KCNV1: variants seen among roughly 807,000 people sequenced by gnomAD.
KCNV1 encodes the protein potassium voltage-gated channel subfamily V member 1.
KCNV1 carries 2 observed loss-of-function variants against 36.4 expected under a neutral mutation model. That is an observed-to-expected ratio of 0.05 (90% CI 0.02 to 0.17). The LOEUF is 0.17. KCNV1 is among the 10% of genes least tolerant of loss of function. The probability of loss-of-function intolerance (pLI) is 1.00; values close to 1 mark genes in which losing one functional copy is unlikely to be tolerated. For missense variants in KCNV1, 321 were observed against 643.6 expected, an observed-to-expected ratio of 0.50 and a Z score of 5.42; for synonymous variants, 280 against 261.1, an observed-to-expected ratio of 1.07 and a Z score of -0.70.
intron 3 of KCNV1, among the ~76,000 whole-genome samples, chr8:109,969,295 C>A (rs10098219): frequency 6.6e-6 from 1 of 152,062 alleles, no homozygotes; most frequent in Non-Finnish European, 1.5e-5. Context: ...TGAAACCCTA[C>A]TCCTTAATAC....
In KCNV1 at chr8:109,972,668, T is replaced by C; in HGVS notation, c.581A>G (p.Gln194Arg). The change falls in exon 3 of 4, where the codon CAG becomes CGG. Residue 194 changes from glutamine to arginine, a missense_variant. Physicochemically the swap from Gln to Arg is conservative, Grantham distance 43. Around this residue, in one of 5 missense-constraint regions of KCNV1, gnomAD observed 141 missense variants for 225.0 expected, o/e 0.63. Coordinates refer to ENST00000524391, the MANE Select transcript of KCNV1 (RefSeq NM_014379.4). The surrounding 1 kb of genome is among the most constrained non-coding windows in gnomAD (Gnocchi z 5.2). Reference protein sequence around the residue: ...FSQGPCPTVRQKLWNILEKPG... With the variant: ...FSQGPCPTVRRKLWNILEKPG... ...TTTCTCCAGGATATTCCAGAGCTTCTGGCGAACAGTGGGACAAGGTCCTTG... is the reference window on the plus strand; with the variant it reads ...TTTCTCCAGGATATTCCAGAGCTTCCGGCGAACAGTGGGACAAGGTCCTTG... 1 of 1,614,214 alleles carries C rather than the reference T, an allele frequency of 6.2e-7. No individual in the cohort carries two copies. Among genetic ancestry groups the C allele is most frequent in the South Asian group, 1.1e-5 (1 of 91,078 alleles).
chr8:109,972,189 G>A lies in KCNV1; in HGVS notation c.991+69C>T. ...ATATCAGTTCAGCGTTACTTTCCTT[G>A]TACTGTGGTCAAAAAACGAATGCTT... On this transcript the variant is annotated intron_variant, in intron 3 of 3. Coordinates refer to ENST00000524391, the MANE Select transcript of KCNV1 (RefSeq NM_014379.4). This position sits in a 1 kb window ranked among gnomAD's most constrained non-coding sequence, Gnocchi z 5.2. 3.5e-6 allele frequency: 5 copies of A among 1,447,236 alleles called. No individual in the cohort carries two copies. Among genetic ancestry groups the A allele is most frequent in the Non-Finnish European group, 4.7e-6 (5 of 1,069,418 alleles). The allele number at this position is 1,447,236 out of a possible 1,614,324, so 89.6% of individuals were successfully genotyped here.
rs1563835956 is a variant in KCNV1 at position 109,974,164 on chromosome 8, G to A, written c.225C>T (p.Tyr75=). 2 of 1,601,922 alleles carry A rather than the reference G, an allele frequency of 1.2e-6. No individual in the cohort carries two copies. The highest frequency in any genetic ancestry group is 1.7e-6 in the Non-Finnish European group (2 of 1,174,890). The change falls in exon 2 of 4, where the codon TAC becomes TAT. Residue 75 remains tyrosine, a synonymous_variant. Coordinates refer to ENST00000524391, the MANE Select transcript of KCNV1 (RefSeq NM_014379.4). This position sits in a 1 kb window ranked among gnomAD's most constrained non-coding sequence, Gnocchi z 6.2. The stretch of plus-strand genomic sequence containing the variant: ...CGGCGGCCAGGGCCCCGGGGCGGCG[G>A]TAGGAAGCCACCACCACGGCCAGCT... ...LGKLAVVVAS[Y]RRPGALAAVP...
chr8:109,968,405 C>T lies in KCNV1; in HGVS notation c.1186G>A (p.Gly396Arg). 1 of 1,614,176 alleles carries T rather than the reference C, an allele frequency of 6.2e-7. No individual in the cohort carries two copies. Among genetic ancestry groups the T allele is most frequent in the Non-Finnish European group, 8.5e-7 (1 of 1,180,024 alleles). ...ATTSMTTVGY[G>R]DIRPDTTTGK... ...GTGGTGGTGTCTGGTCTAATGTCCC[C>T]ATATCCCACAGTAGTCATAGAGGTG... is the stretch of plus-strand genomic sequence containing the variant. Residue 396 changes from glycine to arginine, a missense_variant, in exon 4 of 4, where the codon GGG becomes AGG. Physicochemically the swap from Gly to Arg is moderately radical, Grantham distance 125. Transcript: ENST00000524391. This position sits in a 1 kb window ranked among gnomAD's most constrained non-coding sequence, Gnocchi z 5.3.
rs114699150 is a variant in KCNV1 at position 109,967,582 on chromosome 8, G to C, written c.*506C>G. 0.013 allele frequency: 2,055 copies of C among 154,066 alleles called. 41 individuals are homozygous for C. The highest frequency in any genetic ancestry group is 0.047 in the African/African-American group (1,941 of 41,566). The allele number at this position is 154,066 out of a possible 1,614,324, so 9.5% of individuals were successfully genotyped here. A position where few individuals can be genotyped will look rare whatever the true frequency, so the allele number is the denominator to read the frequency against. On this transcript the variant is annotated 3_prime_UTR_variant, in exon 4 of 4. Transcript: ENST00000524391. ...GCCCATCAAATATGGGTTTTCTCTT[G>C]TAAAGCTAAGTATTATATTCAATAG...
intron 2 of KCNV1, 146 bp downstream of exon 2, chr8:109,973,779 ACCC>A (rs1820042220): frequency 2.7e-5 from 3 of 113,072 alleles, no homozygotes; most frequent in Non-Finnish European, 5.1e-5. Flanking sequence ...CCCCACCCCC[ACCC>A]CACCTGTCAG....
Position 109,967,645 on chromosome 8 carries a change from G to T in KCNV1, c.*443C>A. 6.2e-6 allele frequency: 1 copy of T among 160,954 alleles called. No homozygotes were observed. The highest frequency in any genetic ancestry group is 1.7e-4 in the South Asian group (1 of 5,868). 10.0% of individuals were successfully genotyped at this position (160,954 alleles called of 1,614,324 possible). The stretch of plus-strand genomic sequence containing the variant: ...GAGAACGGAGTAATTTATGTACTTG[G>T]ATAATATCTTTAAATAGCAAAGTTG... On this transcript the variant is annotated 3_prime_UTR_variant, in exon 4 of 4. Coordinates refer to ENST00000524391, the MANE Select transcript of KCNV1 (RefSeq NM_014379.4).
chr8:109,970,611 G>A (rs1406483748), intron 3 of KCNV1, among the ~76,000 whole-genome samples: 1 of 151,956 alleles, frequency 6.6e-6, no homozygotes, highest in Non-Finnish European at 1.5e-5. Context: ...TAATACATGG[G>A]GAAATAGGTC....
chr8:109,967,932 TG>T lies in KCNV1; in HGVS notation c.*155del. The T allele has an allele frequency of 2.8e-6, 2 of 708,950 alleles. No homozygotes were observed. The highest frequency in any genetic ancestry group is 4.6e-6 in the Non-Finnish European group (2 of 438,408). 43.9% of individuals were successfully genotyped at this position (708,950 alleles called of 1,614,324 possible). A position where few individuals can be genotyped will look rare whatever the true frequency, so the allele number is the denominator to read the frequency against. Reference sequence around the variant, plus strand: ...CACTGTGCAGTTGTTATAGGTGATGTGAAATATTCTAGTAGATGAAGCAATA... The same window carrying T: ...CACTGTGCAGTTGTTATAGGTGATGTAAATATTCTAGTAGATGAAGCAATA... On this transcript the variant is annotated 3_prime_UTR_variant, in exon 4 of 4. Transcript: ENST00000524391.
In KCNV1 at chr8:109,972,709, A is replaced by G. The variant is rs1235658933; in HGVS notation, c.540T>C (p.Ser180=). Residue 180 remains serine (S), a synonymous_variant, in exon 3 of 4, where the codon AGT becomes AGC. Transcript: ENST00000524391. This position sits in a 1 kb window ranked among gnomAD's most constrained non-coding sequence, Gnocchi z 5.2. ...AAGGTCCTTGGGAGAAGTCCTGTTC[A>G]CTCTCATGTTGACTTTCCTGGTCTT... ...DTEDQESQHE[S]EQDFSQGPCP... The G allele has an allele frequency of 6.2e-7, 1 of 1,613,924 alleles. No homozygotes were observed. Among genetic ancestry groups the G allele is most frequent in the East Asian group, 2.2e-5 (1 of 44,898 alleles).
Position 109,968,583 on chromosome 8 carries a change from C to T in KCNV1, c.1008G>A (p.Gly336=). The T allele has an allele frequency of 6.3e-7, 1 of 1,588,190 alleles. No homozygotes were observed. Among genetic ancestry groups the T allele is most frequent in the South Asian group, 1.1e-5 (1 of 89,068 alleles). Residue 336 remains glycine, a synonymous_variant, in exon 4 of 4, where the codon GGG becomes GGA. Coordinates refer to ENST00000524391, the MANE Select transcript of KCNV1 (RefSeq NM_014379.4). The surrounding 1 kb of genome is among the most constrained non-coding windows in gnomAD (Gnocchi z 5.3). ...GRHSTGLRSL[G]MTITQCYEEV... The stretch of plus-strand genomic sequence containing the variant: ...CTTCGTAACACTGGGTGATTGTCAT[C>T]CCAAGGGAGCGTAATCCTGCAACAG...
Position 109,972,746 on chromosome 8 carries a change from T to C in KCNV1, c.503A>G (p.Lys168Arg). 7 of 1,612,884 alleles carry C rather than the reference T, an allele frequency of 4.3e-6. No homozygotes were observed. The highest frequency in any genetic ancestry group is 5.1e-6 in the Non-Finnish European group (6 of 1,179,642). ...ACTTTCCTGGTCTTCTGTGTCCTTCTTGAAGTCTAAAGTTTCACTCAGCTC... is the reference window on the plus strand; with the variant it reads ...ACTTTCCTGGTCTTCTGTGTCCTTCCTGAAGTCTAAAGTTTCACTCAGCTC... ...RKELSETLDF[K>R]KDTEDQESQH... Residue 168 changes from lysine to arginine, a missense_variant, in exon 3 of 4, where the codon AAG becomes AGG. By Grantham distance (26) the Lys-to-Arg change is conservative. Around this residue, in one of 5 missense-constraint regions of KCNV1, gnomAD observed 141 missense variants for 225.0 expected, o/e 0.63. Transcript: ENST00000524391. The surrounding 1 kb of genome is among the most constrained non-coding windows in gnomAD (Gnocchi z 5.2).
chr8:109,969,571 G>A (rs752283662), intron 3 of KCNV1, among the ~76,000 whole-genome samples: 9 of 152,140 alleles, frequency 5.9e-5, no homozygotes, highest in African/African-American at 9.7e-5. Context: ...TATGGGCCGG[G>A]CACGGTGGCT....
intron 3 of KCNV1, among the ~76,000 whole-genome samples, chr8:109,969,939 G>A (rs892073571): frequency 2.6e-5 from 4 of 151,958 alleles, no homozygotes; most frequent in Non-Finnish European, 5.9e-5. Context: ...ATACTAGAGA[G>A]GTGGTTATTA....
Position 109,975,024 on chromosome 8 carries a change from A to C in KCNV1, c.-636T>G, listed in dbSNP as rs574868247. The C allele has an allele frequency of 6.6e-6, 1 of 150,878 alleles. No individual in the cohort carries two copies. The highest frequency in any genetic ancestry group is 2.5e-5 in the African/African-American group (1 of 40,580). The allele number at this position is 150,878 out of a possible 1,614,324, so 9.3% of individuals were successfully genotyped here. ...AATTTATATTCCTCCCTTTTCTTTT[A>C]CTGCTGCTTCATAGGCCTCCCCCGG... On this transcript the variant is annotated 5_prime_UTR_variant, in exon 2 of 4. The change abolishes the stop of an existing upstream ORF in the 5' untranslated region. Transcript: ENST00000524391.
intron 3 of KCNV1, among the ~76,000 whole-genome samples, chr8:109,969,873 A>G (rs922628050): frequency 6.6e-6 from 1 of 151,778 alleles, no homozygotes; most frequent in African/African-American, 2.4e-5. Context: ...AAAAAGAAAG[A>G]AAGAAAAGCC....
rs1465806251 is a variant in KCNV1 at position 109,965,833 on chromosome 8, GAA to G, written c.*2253_*2254del. 1.3e-5 allele frequency: 2 copies of G among 152,174 alleles called. No homozygotes were observed. Among genetic ancestry groups the G allele is most frequent in the Non-Finnish European group, 2.9e-5 (2 of 68,032 alleles). The allele number at this position is 152,174 out of a possible 1,614,324, so 9.4% of individuals were successfully genotyped here. A position where few individuals can be genotyped will look rare whatever the true frequency, so the allele number is the denominator to read the frequency against. ...AAATTTCTATGCAGAGCTTGTGTAG[GAA>G]GAATGAAATCTGCAATTTGACTTTT... On this transcript the variant is annotated 3_prime_UTR_variant, in exon 4 of 4. Coordinates refer to ENST00000524391, the MANE Select transcript of KCNV1 (RefSeq NM_014379.4).
rs1467683019 is a variant in KCNV1, at chr8:109,965,121, T to C, written c.*2967A>G. 2 of 152,202 alleles carry C rather than the reference T, an allele frequency of 1.3e-5. No homozygotes were observed. The highest frequency in any genetic ancestry group is 6.5e-5 in the Admixed American group (1 of 15,276). The allele number at this position is 152,202 out of a possible 1,614,324, so 9.4% of individuals were successfully genotyped here. On this transcript the variant is annotated 3_prime_UTR_variant, in exon 4 of 4. Coordinates refer to ENST00000524391, the MANE Select transcript of KCNV1 (RefSeq NM_014379.4). ...TACTCGCGAGGTTGACGCAGGAGAA[T>C]GGTGTGAACCCAAGAGGTGGAGCTT...
rs1219694776 is a variant in KCNV1 at position 109,974,621 on chromosome 8, A to T, written c.-233T>A. The stretch of plus-strand genomic sequence containing the variant: ...CGCACAAGTGGCAGAAAGAGGAGAC[A>T]GGGAGCAGAGGAAGGGTCGCGCTAA... On this transcript the variant is annotated 5_prime_UTR_variant, in exon 2 of 4. Coordinates refer to ENST00000524391, the MANE Select transcript of KCNV1 (RefSeq NM_014379.4). The surrounding 1 kb of genome is among the most constrained non-coding windows in gnomAD (Gnocchi z 6.2). The T allele has an allele frequency of 3.5e-6, 2 of 575,270 alleles. No individual in the cohort carries two copies. Among genetic ancestry groups the T allele is most frequent in the Non-Finnish European group, 6.1e-6 (2 of 325,348 alleles). 35.6% of individuals were successfully genotyped at this position (575,270 alleles called of 1,614,324 possible). A position where few individuals can be genotyped will look rare whatever the true frequency, so the allele number is the denominator to read the frequency against.
Sources: allele counts gnomAD v4.1 joint callset (sites outside exome capture counted in the v4.1 genomes callset), GRCh38; gene constraint gnomAD v4.1.1; regional missense constraint gnomAD v4.1.1; non-coding constraint Gnocchi (gnomAD v3.1); transcripts MANE v1.5; gene names NCBI Gene and HGNC (gene_info 2026-07-23, HGNC 2026-07-21).